PLAC1: variants seen among roughly 807,000 people sequenced by gnomAD.
PLAC1 encodes placenta associated 1, also known as placenta-specific protein 1.
For missense variants in PLAC1, 136 were observed against 163.2 expected, an observed-to-expected ratio of 0.83 and a Z score of 0.91; for synonymous variants, 68 against 62.1, an observed-to-expected ratio of 1.09 and a Z score of -0.44.
At chrX:134,763,654 C>T (rs2078776283) in intron 1 of PLAC1, among the ~76,000 whole-genome samples, 1 of 110,404 alleles carries the variant, frequency 9.1e-6, no homozygotes, top group African/African-American at 3.3e-5. Flanking sequence ...AACCCCATCT[C>T]TACTAAAAAT....
chrX:134,669,573 A>G (rs1484608727), intron 2 of PLAC1, among the ~76,000 whole-genome samples: 1 of 112,404 alleles, frequency 8.9e-6, no homozygotes, highest in African/African-American at 3.2e-5. Context: ...GACGGAATAC[A>G]GGAAGGCTTT....
chrX:134,750,992 C>T (rs1217909284), intron 1 of PLAC1, among the ~76,000 whole-genome samples: 5 of 73,798 alleles, frequency 6.8e-5, no homozygotes, highest in East Asian at 3.7e-4. Context: ...GGTGTGGGGG[C>T]GCCACCTGTA....
intron 1 of PLAC1, among the ~76,000 whole-genome samples, chrX:134,654,363 G>A (rs900552637): frequency 2.7e-5 from 3 of 112,140 alleles, no homozygotes; most frequent in African/African-American, 6.5e-5. Context: ...TGATTCTTAC[G>A]ATCAGGCAAG....
At chrX:134,667,617 G>A (rs2078441374) in intron 2 of PLAC1, among the ~76,000 whole-genome samples, 1 of 111,654 alleles carries the variant, frequency 9.0e-6, no homozygotes, top group Non-Finnish European at 1.9e-5. Context: ...CAGTTTGGCA[G>A]TTCCTCAAAA....
intron 2 of PLAC1, among the ~76,000 whole-genome samples, chrX:134,697,665 C>T (rs1211420425): frequency 2.7e-5 from 3 of 111,059 alleles, no homozygotes; most frequent in African/African-American, 9.8e-5. Flanking sequence ...GTCAGGAGTT[C>T]GAGACCAGCC....
intron 2 of PLAC1, among the ~76,000 whole-genome samples, chrX:134,583,400 T>TC (rs2077984157): frequency 1.0e-5 from 1 of 98,679 alleles, no homozygotes; most frequent in South Asian, 5.4e-4. Context: ...TTTTTTTTTT[T>TC]TTTTTTGGCT....
intron 2 of PLAC1, among the ~76,000 whole-genome samples, chrX:134,587,580 CA>C (rs1246585016): frequency 1.1e-3 from 115 of 101,029 alleles, no homozygotes; most frequent in African/African-American, 3.1e-3. Context: ...GACCCTGTTT[CA>C]AAAAAAAAAG....
intron 1 of PLAC1, among the ~76,000 whole-genome samples, chrX:134,623,493 C>T (rs954567010): frequency 8.9e-6 from 1 of 112,635 alleles, no homozygotes; most frequent in Non-Finnish European, 1.9e-5. Flanking sequence ...TGCAACTGTA[C>T]TCTGCAGTAG....
chrX:134,638,963 T>C (rs73224751), intron 1 of PLAC1, among the ~76,000 whole-genome samples: 3,014 of 111,565 alleles, frequency 0.027, 58 homozygotes, highest in Non-Finnish European at 0.045. Flanking sequence ...TAGGCCCCAG[T>C]GTCTGCTGTT....
At chrX:134,722,075 G>T (rs1384458635) in intron 2 of PLAC1, among the ~76,000 whole-genome samples, 7 of 110,284 alleles carry the variant, frequency 6.3e-5, no homozygotes, top group Non-Finnish European at 1.3e-4. Context: ...CGAAAACCTT[G>T]TAAATCAATG....
intron 2 of PLAC1, among the ~76,000 whole-genome samples, chrX:134,587,471 C>T (rs1602804651): frequency 9.0e-6 from 1 of 110,651 alleles, no homozygotes; most frequent in South Asian, 3.9e-4. Flanking sequence ...ATCCCAGCTA[C>T]TTGGGAGGCT....
intron 2 of PLAC1, among the ~76,000 whole-genome samples, chrX:134,728,544 A>G (rs2078680240): frequency 9.0e-6 from 1 of 111,730 alleles, no homozygotes; most frequent in South Asian, 3.8e-4. Flanking sequence ...CCCCAACCAA[A>G]CTGTTGTTTA....
chrX:134,594,294 GT>G (rs1892052436), intron 2 of PLAC1, among the ~76,000 whole-genome samples: 1 of 111,583 alleles, frequency 9.0e-6, no homozygotes, highest in East Asian at 2.8e-4. Context: ...GCTGAAGTCT[GT>G]TTGCTAATAT....
At chrX:134,687,815 CATATATATATATATATAT>C (rs56675396) in intron 2 of PLAC1, among the ~76,000 whole-genome samples, 2,081 of 31,129 alleles carry the variant, frequency 0.067, 97 homozygotes, top group African/African-American at 0.14. Flanking sequence ...ACTGAGATAA[CATATATATATATATATAT>C]ATATATATAT....
intron 2 of PLAC1, among the ~76,000 whole-genome samples, chrX:134,710,988 A>G (rs1042555988): frequency 8.9e-6 from 1 of 112,126 alleles, no homozygotes; most frequent in Non-Finnish European, 1.9e-5. Flanking sequence ...GTACTAAGAT[A>G]CTAATAACTC....
At chrX:134,684,726 T>C (rs145302299) in intron 2 of PLAC1, among the ~76,000 whole-genome samples, 160 of 111,962 alleles carry the variant, frequency 1.4e-3, no homozygotes, top group Middle Eastern at 4.6e-3. Context: ...TAGAAGGAAA[T>C]GGTAGAAATG....
intron 1 of PLAC1, among the ~76,000 whole-genome samples, chrX:134,746,384 T>A: frequency 8.9e-6 from 1 of 112,075 alleles, no homozygotes; most frequent in South Asian, 3.8e-4. Context: ...ACCCTTTACA[T>A]CTCTCTGCTG....
intron 2 of PLAC1, among the ~76,000 whole-genome samples, chrX:134,689,177 GTCTGGTT>G (rs1229780299): frequency 9.0e-6 from 1 of 111,606 alleles, no homozygotes; most frequent in Non-Finnish European, 1.9e-5. Context: ...CCACTCACTG[GTCTGGTT>G]TCATTATATG....
At chrX:134,753,335 T>C (rs2078749044) in intron 1 of PLAC1, among the ~76,000 whole-genome samples, 1 of 111,610 alleles carries the variant, frequency 9.0e-6, no homozygotes, top group Non-Finnish European at 1.9e-5. Context: ...TGTCACGAAG[T>C]TGCATGAAAG....
Sources: gnomAD v4.1 joint callset for allele counts (sites outside exome capture counted in the v4.1 genomes callset) on GRCh38, gnomAD v4.1.1 for gene constraint, MANE v1.5 for transcripts, NCBI Gene and HGNC (gene_info 2026-07-23, HGNC 2026-07-21) for gene names.